LRRTM4: variants seen among roughly 807,000 people sequenced by gnomAD.
The protein encoded by LRRTM4 is leucine rich repeat transmembrane neuronal 4, also known as leucine-rich repeat transmembrane neuronal protein 4.
In LRRTM4, 25 loss-of-function variants were observed where a neutral mutation model predicts 47.6. The observed-to-expected ratio is 0.53, with a 90% confidence interval of 0.38 to 0.73. The LOEUF (loss-of-function observed/expected upper bound fraction) is 0.73. Among genes scored for constraint, LRRTM4 ranks in the 30% least tolerant of loss-of-function variants. The pLI, the probability that LRRTM4 is intolerant of heterozygous loss-of-function variation, is 0.00. For missense variants in LRRTM4, 638 were observed against 713.4 expected (o/e 0.89, Z 1.20); for synonymous variants, 311 against 269.5 (o/e 1.15, Z -1.51).
intron 3 of LRRTM4, among the ~76,000 whole-genome samples, chr2:77,271,950 G>T (rs1247103072): frequency 2.6e-5 from 4 of 152,080 alleles, no homozygotes; most frequent in Non-Finnish European, 5.9e-5. Flanking sequence ...ATGTCGTGTT[G>T]TTTAACACTT....
chr2:76,966,140 G>T (rs1301246804), intron 3 of LRRTM4, among the ~76,000 whole-genome samples: 1 of 151,502 alleles, frequency 6.6e-6, no homozygotes, highest in Non-Finnish European at 1.5e-5. Context: ...CCCCTAACAG[G>T]TTTTATAGTA....
At chr2:76,886,984 T>G (rs923327405) in intron 3 of LRRTM4, among the ~76,000 whole-genome samples, 1 of 151,900 alleles carries the variant, frequency 6.6e-6, no homozygotes, top group African/African-American at 2.4e-5. Context: ...GTCTATGAGT[T>G]TAAATGTGTA....
At chr2:77,056,493 C>T (rs2103787661) in intron 3 of LRRTM4, among the ~76,000 whole-genome samples, 1 of 151,700 alleles carries the variant, frequency 6.6e-6, no homozygotes, top group East Asian at 1.9e-4. Flanking sequence ...TAACAGAATA[C>T]ATAATAAATG....
intron 3 of LRRTM4, among the ~76,000 whole-genome samples, chr2:76,986,491 A>G (rs192865708): frequency 2.0e-5 from 3 of 152,054 alleles, no homozygotes; most frequent in African/African-American, 7.2e-5. Context: ...TTCTGCAAAG[A>G]AACCAATAGT....
chr2:77,077,778 T>C (rs1477555734), intron 3 of LRRTM4, among the ~76,000 whole-genome samples: 1 of 152,164 alleles, frequency 6.6e-6, no homozygotes, highest in African/African-American at 2.4e-5. Flanking sequence ...TTTATATGTG[T>C]GGAACATACC....
chr2:77,492,610 C>A (rs1459747217), intron 3 of LRRTM4, among the ~76,000 whole-genome samples: 3 of 151,952 alleles, frequency 2.0e-5, no homozygotes, highest in African/African-American at 4.8e-5. Flanking sequence ...CAAATTCCTG[C>A]AACTTTATAT....
At chr2:77,191,973 C>A (rs1011463879) in intron 3 of LRRTM4, among the ~76,000 whole-genome samples, 1 of 151,914 alleles carries the variant, frequency 6.6e-6, no homozygotes, top group Admixed American at 6.6e-5. Context: ...CTGAAAAGGT[C>A]AGAATAAAGA....
At chr2:77,464,852 A>G (rs1676924176) in intron 3 of LRRTM4, among the ~76,000 whole-genome samples, 1 of 152,210 alleles carries the variant, frequency 6.6e-6, no homozygotes, top group African/African-American at 2.4e-5. Context: ...AATAAAAATC[A>G]GCATTGTTTA....
intron 3 of LRRTM4, among the ~76,000 whole-genome samples, chr2:76,937,441 A>T (rs1674994300): frequency 6.6e-6 from 1 of 152,202 alleles, no homozygotes; most frequent in Admixed American, 6.5e-5. Flanking sequence ...CTTCACTTCT[A>T]ATCTTTGAAG....
At chr2:77,129,937 AC>A (rs1164327043) in intron 3 of LRRTM4, among the ~76,000 whole-genome samples, 1 of 152,146 alleles carries the variant, frequency 6.6e-6, no homozygotes, top group East Asian at 1.9e-4. Flanking sequence ...TGAGAGAGTG[AC>A]GTGCCTAAAA....
intron 3 of LRRTM4, among the ~76,000 whole-genome samples, chr2:77,264,581 A>G (rs1676002915): frequency 6.6e-6 from 1 of 152,098 alleles, no homozygotes; most frequent in Non-Finnish European, 1.5e-5. Flanking sequence ...AATTCAGGCA[A>G]TATGTTAAAT....
chr2:77,276,343 AGGAAAAAAGG>A (rs1558664564), intron 3 of LRRTM4, among the ~76,000 whole-genome samples: 1 of 142,894 alleles, frequency 7.0e-6, no homozygotes, highest in African/African-American at 2.7e-5. Context: ...GAAGGAAGGA[AGGAAAAAAGG>A]AAGGAAGGAG....
At position 77,336,104 on chromosome 2, in the gene LRRTM4, GAAAGA is replaced by G. The variant is rs1558693945; in HGVS notation, c.1551+182209_1551+182213del. Among the ~76,000 whole-genome samples, 5 of 150,774 alleles carry G rather than the reference GAAAGA, an allele frequency of 3.3e-5. No individual in the cohort carries two copies. In the East Asian group the frequency reaches 5.9e-4, roughly 18 times the overall value. ...ATTATTTTGGAAGGAAGGAAGGAAG[GAAAGA>G]AGGAAAGAAGGGAGAAAAGAAGGAC... On this transcript the variant is annotated intron_variant, in intron 3 of 3. Coordinates refer to ENST00000409884, the MANE Select transcript of LRRTM4 (RefSeq NM_001134745.3).
intron 3 of LRRTM4, among the ~76,000 whole-genome samples, chr2:77,307,443 T>A (rs911256040): frequency 6.7e-6 from 1 of 149,786 alleles, no homozygotes; most frequent in African/African-American, 2.4e-5. Context: ...GATTTGTGCT[T>A]GCTTCTGAAA....
chr2:77,268,975 C>A (rs537766596), intron 3 of LRRTM4, among the ~76,000 whole-genome samples: 1 of 152,080 alleles, frequency 6.6e-6, no homozygotes, highest in African/African-American at 2.4e-5. Context: ...TTTGCACAGG[C>A]CTTCCAGGTG....
intron 3 of LRRTM4, among the ~76,000 whole-genome samples, chr2:77,314,304 A>T (rs765746931): frequency 2.0e-5 from 3 of 152,208 alleles, no homozygotes; most frequent in Admixed American, 6.5e-5. Flanking sequence ...GTGAATGAAG[A>T]TGCATCAATC....
intron 3 of LRRTM4, among the ~76,000 whole-genome samples, chr2:77,403,060 A>G (rs1226868880): frequency 6.6e-6 from 1 of 151,976 alleles, no homozygotes; most frequent in Non-Finnish European, 1.5e-5. Flanking sequence ...ATTCTCAACA[A>G]TGAACCATAA....
At chr2:77,427,835 A>G (rs1006363893) in intron 3 of LRRTM4, among the ~76,000 whole-genome samples, 1 of 152,192 alleles carries the variant, frequency 6.6e-6, no homozygotes, top group Non-Finnish European at 1.5e-5. Flanking sequence ...CCCACATACC[A>G]TATAACATTT....
At chr2:76,844,525 A>T (rs1212887380) in intron 3 of LRRTM4, among the ~76,000 whole-genome samples, 1 of 152,132 alleles carries the variant, frequency 6.6e-6, no homozygotes, top group Non-Finnish European at 1.5e-5. Context: ...CAATTTCCAT[A>T]TCTGTATCAG....
Sources: allele counts gnomAD v4.1 joint callset (sites outside exome capture counted in the v4.1 genomes callset), GRCh38; gene constraint gnomAD v4.1.1; transcripts MANE v1.5; gene names NCBI Gene and HGNC (gene_info 2026-07-23, HGNC 2026-07-21).